Variants in DOCK2 observed in about 807,000 individuals in gnomAD.
DOCK2 encodes dedicator of cytokinesis protein 2.
DOCK2 carries 87 observed loss-of-function variants against 248.9 expected under a neutral mutation model. That is an observed-to-expected ratio of 0.35 (90% CI 0.29 to 0.42). The LOEUF is 0.42. DOCK2 is among the 10% of genes least tolerant of loss of function. The pLI, the probability that DOCK2 is intolerant of heterozygous loss-of-function variation, is 1.00. For synonymous variants in DOCK2, 805 were observed against 821.6 expected (o/e 0.98, Z 0.35); for missense variants, 1,747 against 2,300.2 (o/e 0.76, Z 4.92).
At chr5:169,727,362 C>T (rs563815342) in intron 22 of DOCK2, among the ~76,000 whole-genome samples, 6 of 152,262 alleles carry the variant, frequency 3.9e-5, no homozygotes, top group Admixed American at 2.6e-4. Context: ...CTCTAGATGT[C>T]GGCGGGGAGG....
intron 48 of DOCK2, 123 bp from the exon 49 acceptor site, chr5:170,078,852 C>A: frequency 1.8e-6 from 2 of 1,107,114 alleles, no homozygotes; most frequent in Non-Finnish European, 2.6e-6. Flanking sequence ...TGCTGATCTA[C>A]TCCAGACCCT....
chr5:169,669,321 T>C lies in DOCK2; in HGVS notation c.161T>C (p.Met54Thr). Residue 54 changes from methionine to threonine, a missense_variant, in exon 3 of 52, where the codon ATG becomes ACG. Physicochemically the swap from Met to Thr is moderately conservative, Grantham distance 81. Transcript: ENST00000520908. ...AGGGGATACCTCATAAAGCACAAAA[T>C]GTTACAGGTAAGGTCACCTGGTTTT... ...WYRGYLIKHK[M>T]LQGIFPKSFI... 1.2e-6 allele frequency: 2 copies of C among 1,614,132 alleles called. No homozygotes were observed. The highest frequency in any genetic ancestry group is 1.7e-6 in the Non-Finnish European group (2 of 1,179,992).
intron 27 of DOCK2, among the ~76,000 whole-genome samples, chr5:169,871,816 C>G (rs981413764): frequency 6.6e-6 from 1 of 152,220 alleles, no homozygotes; most frequent in Non-Finnish European, 1.5e-5. Context: ...TATGGACCAG[C>G]TGACCAGTCC....
chr5:169,862,455 C>T (rs950226714), intron 27 of DOCK2, among the ~76,000 whole-genome samples: 1 of 152,146 alleles, frequency 6.6e-6, no homozygotes, highest in Non-Finnish European at 1.5e-5. Flanking sequence ...ATCCTCTATT[C>T]TGTTCTTTTC....
At chr5:169,849,720 C>G (rs1174397403) in intron 27 of DOCK2, among the ~76,000 whole-genome samples, 3 of 152,210 alleles carry the variant, frequency 2.0e-5, no homozygotes, top group African/African-American at 7.2e-5. Context: ...GAGGACAAGG[C>G]TGGCATGGAG....
intron 25 of DOCK2, among the ~76,000 whole-genome samples, chr5:169,774,893 TTTGTTG>T (rs71575576): frequency 9.3e-5 from 14 of 150,862 alleles, no homozygotes; most frequent in South Asian, 2.1e-4. Context: ...ATGACTGTTT[TTTGTTG>T]TTGTTGTTGT....
intron 29 of DOCK2, among the ~76,000 whole-genome samples, chr5:169,995,416 G>A (rs1266258058): frequency 6.6e-6 from 1 of 152,136 alleles, no homozygotes; most frequent in Non-Finnish European, 1.5e-5. Flanking sequence ...AGTGATCACT[G>A]GAGCATTGTT....
At chr5:169,881,515 G>C (rs1031190224) in intron 27 of DOCK2, 3 of 1,130,824 alleles carry the variant, frequency 2.7e-6, no homozygotes, top group Non-Finnish European at 3.9e-6. Context: ...CAACCTACTT[G>C]TCCCTTAGTC....
chr5:169,816,132 C>T (rs771010564), intron 26 of DOCK2, among the ~76,000 whole-genome samples: 4 of 152,168 alleles, frequency 2.6e-5, no homozygotes, highest in African/African-American at 9.7e-5. Context: ...GCTGAGGGAA[C>T]TATAACTTTG....
chr5:169,664,508 A>G (rs4342345), intron 2 of DOCK2, among the ~76,000 whole-genome samples: 30,255 of 152,206 alleles, frequency 0.2, 3,366 homozygotes, highest in South Asian at 0.31. Flanking sequence ...GTTATAAAGA[A>G]CTACCCGAGA....
intron 25 of DOCK2, among the ~76,000 whole-genome samples, chr5:169,777,833 T>C (rs1765469889): frequency 6.6e-6 from 1 of 152,196 alleles, no homozygotes; most frequent in Admixed American, 6.5e-5. Context: ...GTGCTACTAT[T>C]ATTTGCAGTC....
At position 169,985,883 on chromosome 5, in the gene DOCK2, A is replaced by G; in HGVS notation, c.2954A>G (p.Tyr985Cys). Residue 985 changes from tyrosine to cysteine, a missense_variant, in exon 29 of 52, where the codon TAC becomes TGC. Physicochemically the swap from Tyr to Cys is radical, Grantham distance 194. Transcript: ENST00000520908. ...AAGGACCTCATTGGAAAGAACGTGT[A>G]CCCTGGAGACTGGATGGCCATGAGC... ...MFKDLIGKNV[Y>C]PGDWMAMSMV... is the part of the protein sequence containing the mutation. 1 of 1,610,892 alleles carries G rather than the reference A, an allele frequency of 6.2e-7. No homozygotes were observed.
chr5:170,035,318 C>T (rs1756286742), intron 35 of DOCK2, among the ~76,000 whole-genome samples: 1 of 152,204 alleles, frequency 6.6e-6, no homozygotes, highest in African/African-American at 2.4e-5. Context: ...ATCAACCTCC[C>T]TACCATTCCC....
At chr5:169,912,283 C>G (rs1581405110) in intron 27 of DOCK2, among the ~76,000 whole-genome samples, 1 of 152,002 alleles carries the variant, frequency 6.6e-6, no homozygotes, top group African/African-American at 2.4e-5. Flanking sequence ...TGATGTCAAA[C>G]TCCTGAGCCC....
At chr5:170,012,024 C>T (rs897071840) in intron 32 of DOCK2, among the ~76,000 whole-genome samples, 1 of 152,208 alleles carries the variant, frequency 6.6e-6, no homozygotes, top group Non-Finnish European at 1.5e-5. Flanking sequence ...TCTAATTCAA[C>T]CCTGCCGATT....
chr5:170,041,220 A>C (rs1369898068), intron 37 of DOCK2, 75 bp downstream of exon 37: 1 of 1,293,552 alleles, frequency 7.7e-7, no homozygotes, highest in Non-Finnish European at 1.1e-6. Flanking sequence ...AGAGTGAAAA[A>C]AGAAAAAAAA....
At chr5:169,811,461 G>A (rs1767748964) in intron 26 of DOCK2, among the ~76,000 whole-genome samples, 1 of 152,184 alleles carries the variant, frequency 6.6e-6, no homozygotes, top group African/African-American at 2.4e-5. Flanking sequence ...TTTTGTCTAT[G>A]GTGCATGCCA....
chr5:169,662,505 C>T (rs1207239676), intron 2 of DOCK2, among the ~76,000 whole-genome samples: 2 of 152,138 alleles, frequency 1.3e-5, no homozygotes, highest in Non-Finnish European at 2.9e-5. Context: ...TTTCACACTG[C>T]TGTAAAGAAC....
chr5:169,734,888 C>G (rs748369656), intron 22 of DOCK2, among the ~76,000 whole-genome samples: 1 of 152,198 alleles, frequency 6.6e-6, no homozygotes, highest in Admixed American at 6.5e-5. Context: ...TTTAAGGACA[C>G]GAGGGCTTGC....
Sources: allele counts gnomAD v4.1 joint callset (sites outside exome capture counted in the v4.1 genomes callset), GRCh38; gene constraint gnomAD v4.1.1; transcripts MANE v1.5; gene names NCBI Gene and HGNC (gene_info 2026-07-23, HGNC 2026-07-21).